DPP6: variants seen among roughly 807,000 people sequenced by gnomAD.
The protein encoded by DPP6 is dipeptidyl peptidase like 6, also known as A-type potassium channel modulatory protein DPP6.
DPP6 carries 69 observed loss-of-function variants against 122.6 expected under a neutral mutation model. That is an observed-to-expected ratio of 0.56 (90% CI 0.46 to 0.69). The LOEUF (loss-of-function observed/expected upper bound fraction) is 0.69. Among genes scored for constraint, DPP6 ranks in the 30% least tolerant of loss-of-function variants. DPP6 has a pLI of 0.00. For synonymous variants in DPP6, 418 were observed against 433.1 expected, an observed-to-expected ratio of 0.97 and a Z score of 0.43; for missense variants, 928 against 1,116.9, an observed-to-expected ratio of 0.83 and a Z score of 2.41.
intron 1 of DPP6, chr7:154,093,683 G>GC (rs1805096059): frequency 6.8e-6 from 1 of 146,624 alleles, no homozygotes; most frequent in Non-Finnish European, 1.5e-5. Context: ...TTGAGGCTGT[G>GC]CCCCCACCAC....
At chr7:154,091,678 G>GC (rs954196051) in intron 1 of DPP6, among the ~76,000 whole-genome samples, 2 of 152,010 alleles carry the variant, frequency 1.3e-5, no homozygotes, top group African/African-American at 4.8e-5. Flanking sequence ...CTAAGAAAGG[G>GC]CCCCCTGCCC....
chr7:154,435,118 T>C (rs1818749267), intron 1 of DPP6, among the ~76,000 whole-genome samples: 1 of 152,222 alleles, frequency 6.6e-6, no homozygotes. Context: ...ATTACAGGCA[T>C]GAGCCACCAT....
the DPP6 span, among the ~76,000 whole-genome samples, chr7:153,838,509 A>G: frequency 2.0e-5 from 3 of 152,200 alleles, no homozygotes; most frequent in Non-Finnish European, 4.4e-5. Flanking sequence ...CTATTGTTGA[A>G]ACAGCAAGGT....
intron 3 of DPP6, among the ~76,000 whole-genome samples, chr7:154,500,418 G>A (rs955963950): frequency 5.9e-5 from 9 of 152,088 alleles, no homozygotes; most frequent in South Asian, 2.1e-4. Flanking sequence ...ATATGGTTTC[G>A]CTGTGTCACT....
At chr7:154,137,658 T>TTGG (rs1795633435) in intron 1 of DPP6, among the ~76,000 whole-genome samples, 1 of 48,384 alleles carries the variant, frequency 2.1e-5, no homozygotes, top group African/African-American at 7.4e-5. Flanking sequence ...GGTGGGGGGG[T>TTGG]GGGGGGGGTG....
intron 1 of DPP6, among the ~76,000 whole-genome samples, chr7:154,225,313 A>G (rs1222292888): frequency 6.6e-6 from 1 of 152,000 alleles, no homozygotes; most frequent in East Asian, 1.9e-4. Flanking sequence ...ATTTAAGAAG[A>G]TAAGAGTTTT....
intron 1 of DPP6, among the ~76,000 whole-genome samples, chr7:154,369,299 T>G (rs1261377563): frequency 2.6e-5 from 4 of 151,686 alleles, no homozygotes; most frequent in Admixed American, 1.3e-4. Context: ...TTCACCATAC[T>G]GATCAGGCTG....
chr7:154,212,607 T>G (rs1027511107), intron 1 of DPP6, among the ~76,000 whole-genome samples: 6 of 152,088 alleles, frequency 3.9e-5, no homozygotes, highest in African/African-American at 1.4e-4. Context: ...ATGATCGAGG[T>G]CTCGGAGCTC....
chr7:154,568,904 T>A (rs2130548046), intron 5 of DPP6, among the ~76,000 whole-genome samples: 1 of 152,290 alleles, frequency 6.6e-6, no homozygotes, highest in Admixed American at 6.5e-5. Flanking sequence ...AAGTAATCCT[T>A]AATAGTTTTC....
chr7:154,442,547 A>G (rs1297531425), intron 1 of DPP6, among the ~76,000 whole-genome samples: 1 of 152,132 alleles, frequency 6.6e-6, no homozygotes, highest in East Asian at 1.9e-4. Context: ...AGGAAAGGGG[A>G]CATGGAAGGG....
chr7:154,322,887 T>C (rs1318932517), intron 1 of DPP6, among the ~76,000 whole-genome samples: 2 of 152,202 alleles, frequency 1.3e-5, no homozygotes, highest in African/African-American at 4.8e-5. Context: ...ACCGACGTTA[T>C]CAACCTGGTT....
intron 3 of DPP6, among the ~76,000 whole-genome samples, chr7:154,498,116 A>G (rs983516480): frequency 1.3e-5 from 2 of 152,234 alleles, no homozygotes; most frequent in Admixed American, 6.5e-5. Context: ...CTGAACTGAC[A>G]TGGTGCTTAC....
At chr7:154,343,380 C>T (rs754274283) in intron 1 of DPP6, among the ~76,000 whole-genome samples, 7 of 152,208 alleles carry the variant, frequency 4.6e-5, no homozygotes, top group Non-Finnish European at 8.8e-5. Context: ...GCACAGGCAG[C>T]GTCAGTCCGG....
At chr7:154,640,312 G>A (rs1319170760) in intron 6 of DPP6, among the ~76,000 whole-genome samples, 1 of 152,108 alleles carries the variant, frequency 6.6e-6, no homozygotes, top group Non-Finnish European at 1.5e-5. Flanking sequence ...GAACAAACGT[G>A]ATAGCTATAA....
intron 16 of DPP6, among the ~76,000 whole-genome samples, chr7:154,840,870 C>T (rs900732371): frequency 6.6e-6 from 1 of 152,186 alleles, no homozygotes; most frequent in African/African-American, 2.4e-5. Flanking sequence ...TGTTCACCTT[C>T]CCAGGGAATG....
At chr7:154,742,179 G>A (rs1321559877) in intron 8 of DPP6, among the ~76,000 whole-genome samples, 1 of 152,180 alleles carries the variant, frequency 6.6e-6, no homozygotes, top group Non-Finnish European at 1.5e-5. Flanking sequence ...CAGTCAGTCC[G>A]ATGGAGGCCA....
intron 3 of DPP6, among the ~76,000 whole-genome samples, chr7:154,482,293 T>C (rs887196914): frequency 6.6e-6 from 1 of 151,474 alleles, no homozygotes; most frequent in African/African-American, 2.4e-5. Flanking sequence ...TCTGTGGCAA[T>C]GAAGGGGGCA....
At chr7:154,668,607 G>A (rs1838350390) in intron 6 of DPP6, among the ~76,000 whole-genome samples, 1 of 152,092 alleles carries the variant, frequency 6.6e-6, no homozygotes, top group Non-Finnish European at 1.5e-5. Flanking sequence ...TCTTCACGTG[G>A]AGGGGTGTCA....
chr7:154,721,949 G>C (rs1381353674), intron 7 of DPP6, among the ~76,000 whole-genome samples: 3 of 151,006 alleles, frequency 2.0e-5, no homozygotes, highest in African/African-American at 7.3e-5. Context: ...AGGATCACTT[G>C]AGGCCAGGAG....
Sources: gnomAD v4.1 joint callset for allele counts (sites outside exome capture counted in the v4.1 genomes callset) on GRCh38, gnomAD v4.1.1 for gene constraint, MANE v1.5 for transcripts, NCBI Gene and HGNC (gene_info 2026-07-23, HGNC 2026-07-21) for gene names.